ZNF214: variants seen among roughly 807,000 people sequenced by gnomAD.
The protein encoded by ZNF214 is zinc finger protein 214.
ZNF214 carries 43 observed loss-of-function variants against 53.9 expected under a neutral mutation model. The observed-to-expected ratio is 0.80, with a 90% CI of 0.63 to 1.03. The LOEUF is 1.03. Ranked by LOEUF, ZNF214 falls within the 50% of genes least tolerant of loss-of-function variation. ZNF214 has a pLI of 0.00. For synonymous variants in ZNF214, 217 were observed against 229.5 expected (o/e 0.95, Z 0.49); for missense variants, 724 against 719.1 (o/e 1.01, Z -0.08).
intron 2 of ZNF214, among the ~76,000 whole-genome samples, chr11:7,002,312 G>A (rs377423173): frequency 6.6e-6 from 1 of 151,982 alleles, no homozygotes; most frequent in African/African-American, 2.4e-5. Flanking sequence ...CATGATAAAA[G>A]ATCATCCAGT....
intron 1 of ZNF214, among the ~76,000 whole-genome samples, chr11:7,009,822 C>T (rs1045008313): frequency 7.2e-5 from 11 of 152,190 alleles, no homozygotes; most frequent in African/African-American, 1.9e-4. Context: ...AAAAAATGCT[C>T]AACATCACTA....
intron 1 of ZNF214, among the ~76,000 whole-genome samples, chr11:7,007,265 A>G (rs1197576565): frequency 1.3e-5 from 2 of 151,638 alleles, no homozygotes; most frequent in Non-Finnish European, 2.9e-5. Context: ...AAATAAAAAC[A>G]GAAGACAACT....
chr11:7,013,866 T>G (rs1446692419), intron 1 of ZNF214, among the ~76,000 whole-genome samples: 2 of 152,352 alleles, frequency 1.3e-5, no homozygotes, highest in Admixed American at 6.5e-5. Context: ...AGGAAAGCTA[T>G]TAACTTTAAG....
intron 1 of ZNF214, among the ~76,000 whole-genome samples, chr11:7,016,530 C>T (rs1426411467): frequency 6.6e-6 from 1 of 152,166 alleles, no homozygotes; most frequent in Non-Finnish European, 1.5e-5. Context: ...ATGCTACATT[C>T]TTCTTCATTG....
chr11:7,009,448 A>G (rs993972866), intron 1 of ZNF214, among the ~76,000 whole-genome samples: 3 of 152,160 alleles, frequency 2.0e-5, no homozygotes, highest in Non-Finnish European at 4.4e-5. Flanking sequence ...AAAGACTTAC[A>G]TGAAAACCTA....
intron 1 of ZNF214, among the ~76,000 whole-genome samples, chr11:7,015,089 ATTT>A (rs58140877): frequency 8.7e-4 from 104 of 119,564 alleles, no homozygotes; most frequent in East Asian, 2.0e-3. Flanking sequence ...AATAATTAGA[ATTT>A]TTTTTTTTTT....
At chr11:7,015,398 T>C (rs1278746019) in intron 1 of ZNF214, among the ~76,000 whole-genome samples, 4 of 152,074 alleles carry the variant, frequency 2.6e-5, no homozygotes, top group Non-Finnish European at 5.9e-5. Flanking sequence ...GCCAACATGG[T>C]GAAACCTTGT....
Position 7,002,712 on chromosome 11 carries a change from C to T in ZNF214, c.124G>A (p.Val42Ile). ...MWENYTNVMS[V>I]ENWNESYKSQ... The stretch of plus-strand genomic sequence containing the variant: ...CTATGAGACGGGATAACTTTACCTA[C>T]TGACATGACATTTGTGTAGTTCTCC... Residue 42 changes from valine to isoleucine, a missense_variant, in exon 2 of 3, where the codon GTA (valine) becomes ATA (isoleucine). Transcript: ENST00000278314. The T allele has an allele frequency of 6.3e-7, 1 of 1,594,492 alleles. No homozygotes were observed. The highest frequency in any genetic ancestry group is 2.3e-5 in the East Asian group (1 of 43,740).
chr11:7,006,057 A>C (rs1851463833), intron 1 of ZNF214, among the ~76,000 whole-genome samples: 1 of 152,054 alleles, frequency 6.6e-6, no homozygotes, highest in Non-Finnish European at 1.5e-5. Flanking sequence ...TGATTCTTAC[A>C]TACTGGATGG....
rs374861820 is a variant in ZNF214 at position 7,000,310 on chromosome 11, C to G, written c.1373G>C (p.Arg458Pro). The change falls in exon 3 of 3, where the codon CGC becomes CCC. Residue 458 changes from arginine (R) to proline (P), a missense_variant. Arg to Pro is a moderately radical substitution (Grantham distance 103, BLOSUM62 -2). Coordinates refer to ENST00000278314, the MANE Select transcript of ZNF214 (RefSeq NM_013249.4). ...GKDFSHSSDLRIHQRVHTGEK... is the reference protein window; with the variant it reads ...GKDFSHSSDLPIHQRVHTGEK... ...CCCTGTATGGACTCTCTGATGAATG[C>G]GAAGATCTGAGCTGTGACTAAAGTC... 3 of 1,613,060 alleles carry G rather than the reference C, an allele frequency of 1.9e-6. No individual in the cohort carries two copies. The highest frequency in any genetic ancestry group is 2.5e-6 in the Non-Finnish European group (3 of 1,179,476).
At position 7,001,238 on chromosome 11, in the gene ZNF214, C is replaced by G. The variant is rs1383592431; in HGVS notation, c.445G>C (p.Asp149His). 1 of 1,613,084 alleles carries G rather than the reference C, an allele frequency of 6.2e-7. No individual in the cohort carries two copies. The highest frequency in any genetic ancestry group is 8.5e-7 in the Non-Finnish European group (1 of 1,179,512). Residue 149 changes from aspartate (D) to histidine (H), a missense_variant, in exon 3 of 3, where the codon GAC becomes CAC. Coordinates refer to ENST00000278314, the MANE Select transcript of ZNF214 (RefSeq NM_013249.4). Reference sequence around the variant, plus strand: ...CTCATGTAGATTTCTCTACCATAGTCTTGAGTGGTTTTTGTTTCTAAGGAC... The same window carrying G: ...CTCATGTAGATTTCTCTACCATAGTGTTGAGTGGTTTTTGTTTCTAAGGAC... ...WQSLETKTTQ[D>H]YGREIYMSGS...
chr11:7,004,140 C>T (rs1851422286), intron 1 of ZNF214, among the ~76,000 whole-genome samples: 1 of 151,762 alleles, frequency 6.6e-6, no homozygotes. Flanking sequence ...TAAAAACATA[C>T]TAGCAATTAG....
rs1851225927 is a variant in ZNF214 at position 6,997,991 on chromosome 11, C to T, written c.*1871G>A. ...ATCTAATTGATTTCAGTGCTTATCACTAGTCCTTTTATACCATGATTTCCA... is the reference window on the plus strand; with the variant it reads ...ATCTAATTGATTTCAGTGCTTATCATTAGTCCTTTTATACCATGATTTCCA... On this transcript the variant is annotated 3_prime_UTR_variant, in exon 3 of 3. Transcript: ENST00000278314. 6.6e-6 allele frequency among the ~76,000 whole-genome samples: 1 copy of T among 151,924 alleles called. No homozygotes were observed. Among genetic ancestry groups the T allele is most frequent in the Non-Finnish European group, 1.5e-5 (1 of 67,890 alleles).
rs1851289432 is a variant in ZNF214 at position 7,000,108 on chromosome 11, G to A, written c.1575C>T (p.Pro525=). The A allele has an allele frequency of 3.1e-6, 5 of 1,613,008 alleles. No individual in the cohort carries two copies. Among genetic ancestry groups the A allele is most frequent in the Non-Finnish European group, 3.4e-6 (4 of 1,179,500 alleles). ...CCTTTCCACAATCATGACATTTATAGGGCTTTTCTCCTGTATGGACTCTCT... is the reference window on the plus strand; with the variant it reads ...CCTTTCCACAATCATGACATTTATAAGGCTTTTCTCCTGTATGGACTCTCT... The part of the protein sequence containing the change: ...IHQRVHTGEK[P]YKCHDCGKGF... The change falls in exon 3 of 3, where the codon CCC becomes CCT. Residue 525 remains proline (P), a synonymous_variant. Coordinates refer to ENST00000278314, the MANE Select transcript of ZNF214 (RefSeq NM_013249.4).
In ZNF214 at chr11:7,006,021, T is replaced by C. The variant is rs149276551; in HGVS notation, c.-20-3166A>G. ...TATGACCAGTGAGATTTGTATTATTTTGCTTTTCAGTGTTTTCATACTCAC... is the reference window on the plus strand; with the variant it reads ...TATGACCAGTGAGATTTGTATTATTCTGCTTTTCAGTGTTTTCATACTCAC... On this transcript the variant is annotated intron_variant, in intron 1 of 2. Coordinates refer to ENST00000278314, the MANE Select transcript of ZNF214 (RefSeq NM_013249.4). Among the ~76,000 whole-genome samples the C allele has an allele frequency of 6.7e-3, 1,013 of 152,192 alleles. 12 individuals are homozygous for C. Among genetic ancestry groups the C allele is most frequent in the Non-Finnish European group, 9.6e-3 (651 of 67,952 alleles).
At chr11:7,019,579 T>A (rs1165483911) in intron 1 of ZNF214, 1 of 152,134 alleles carries the variant, frequency 6.6e-6, no homozygotes, top group East Asian at 1.9e-4. Context: ...ATCCCAGAAC[T>A]GGAGCTCCCA....
rs762072601 is a variant in ZNF214, at chr11:6,997,806, A to G, written c.*2056T>C. Among the ~76,000 whole-genome samples, 1 of 151,886 alleles carries G rather than the reference A, an allele frequency of 6.6e-6. No individual in the cohort carries two copies. The highest frequency in any genetic ancestry group is 2.4e-5 in the African/African-American group (1 of 41,400). ...TTTGGGACACCCTTATACTAAAACA[A>G]TTATTCTTTGCTTATATGAAATTCA... On this transcript the variant is annotated 3_prime_UTR_variant, in exon 3 of 3. Transcript: ENST00000278314.
At position 6,999,922 on chromosome 11, in the gene ZNF214, A is replaced by G. The variant is rs749244618; in HGVS notation, c.1761T>C (p.Tyr587=). Residue 587 remains tyrosine, a synonymous_variant, in exon 3 of 3, where the codon TAT becomes TAC. Coordinates refer to ENST00000278314, the MANE Select transcript of ZNF214 (RefSeq NM_013249.4). ...AGEKPYKCRE[Y]YKGFDHNSHL... is the part of the protein sequence containing the mutation. ...GTGAATTATGATCAAATCCCTTATA[A>G]TATTCACGGCATTTGTAAGGTTTCT... The G allele has an allele frequency of 8.7e-6, 14 of 1,612,624 alleles. No individual in the cohort carries two copies. The highest frequency in any genetic ancestry group is 5.3e-5 in the African/African-American group (4 of 74,834).
chr11:7,010,870 C>CTA (rs1851591221), intron 1 of ZNF214, among the ~76,000 whole-genome samples: 1 of 151,292 alleles, frequency 6.6e-6, no homozygotes, highest in South Asian at 2.1e-4. Context: ...GTGTTGTGAA[C>CTA]TATATATATA....
Sources: allele counts gnomAD v4.1 joint callset (sites outside exome capture counted in the v4.1 genomes callset), GRCh38; gene constraint gnomAD v4.1.1; transcripts MANE v1.5; gene names NCBI Gene and HGNC (gene_info 2026-07-23, HGNC 2026-07-21).